The following MSRB3 variants were observed in gnomAD, a reference collection of about 807,000 sequenced individuals.
The protein encoded by MSRB3 is methionine-R-sulfoxide reductase B3.
MSRB3 carries 13 observed loss-of-function variants against 21.0 expected under a neutral mutation model. That is an observed-to-expected ratio of 0.62 (90% CI 0.40 to 0.98). The LOEUF (loss-of-function observed/expected upper bound fraction) is 0.98, where lower values mean the gene tolerates loss of function less well. Among genes scored for constraint, MSRB3 ranks in the 50% least tolerant of loss-of-function variants. The pLI is 0.00. For synonymous variants in MSRB3, 87 were observed against 88.6 expected (o/e 0.98, Z 0.10); for missense variants, 199 against 230.3 (o/e 0.86, Z 0.88).
chr12:65,322,794 C>T (rs895268490), intron 2 of MSRB3, among the ~76,000 whole-genome samples: 4 of 152,026 alleles, frequency 2.6e-5, no homozygotes, highest in African/African-American at 4.8e-5. Context: ...AACCTCTCCA[C>T]GCCTCAGTTT....
At chr12:65,332,364 C>G (rs1003445027) in intron 4 of MSRB3, among the ~76,000 whole-genome samples, 2 of 151,660 alleles carry the variant, frequency 1.3e-5, no homozygotes, top group Admixed American at 6.6e-5. Flanking sequence ...GGGTAGAAAA[C>G]TAGACAGAAC....
intron 4 of MSRB3, among the ~76,000 whole-genome samples, chr12:65,348,044 C>A (rs902840413): frequency 2.0e-5 from 3 of 152,032 alleles, no homozygotes; most frequent in African/African-American, 7.2e-5. Context: ...GTCTAAAATT[C>A]TCTTTTTTTG....
rs74099838 is a variant in MSRB3, at chr12:65,432,846, C to T, written c.293-20882C>T. On this transcript the variant is annotated intron_variant, in intron 5 of 6. Transcript: ENST00000308259. The stretch of plus-strand genomic sequence containing the variant: ...TTATGCAGTGGAAAAGGTCTTTCTC[C>T]AGACAAATATTGTACCTCTAATCCT... Among the ~76,000 whole-genome samples the T allele has an allele frequency of 6.6e-3, 1,006 of 152,026 alleles. 15 individuals carry two copies. Among genetic ancestry groups the T allele is most frequent in the African/African-American group, 0.023 (966 of 41,496 alleles).
At chr12:65,449,573 A>T (rs545767744) in intron 5 of MSRB3, among the ~76,000 whole-genome samples, 279 of 152,302 alleles carry the variant, frequency 1.8e-3, no homozygotes, top group Admixed American at 7.6e-3. Context: ...TATCATCATT[A>T]TTGACCCATC....
rs145779851 is a variant in MSRB3, at chr12:65,347,146, C to A, written c.263+18543C>A. On this transcript the variant is annotated intron_variant, in intron 4 of 6. Transcript: ENST00000308259. Reference sequence around the variant, plus strand: ...GAAAGTCATTGGTAGCTTTATGGGGCTGGCATTGAATCTATAAATTACCTT... The same window carrying A: ...GAAAGTCATTGGTAGCTTTATGGGGATGGCATTGAATCTATAAATTACCTT... Among the ~76,000 whole-genome samples the A allele has an allele frequency of 1.8e-3, 273 of 152,120 alleles. 1 individual carries two copies. The highest frequency in any genetic ancestry group is 5.6e-3 in the African/African-American group (234 of 41,532).
chr12:65,447,870 A>C (rs1361821542), intron 5 of MSRB3, among the ~76,000 whole-genome samples: 1 of 152,238 alleles, frequency 6.6e-6, no homozygotes, highest in Non-Finnish European at 1.5e-5. Context: ...TGTCATTAAA[A>C]ACTCAAAAAG....
intron 5 of MSRB3, among the ~76,000 whole-genome samples, chr12:65,404,853 A>C (rs530514067): frequency 6.6e-6 from 1 of 152,216 alleles, no homozygotes; most frequent in South Asian, 2.1e-4. Flanking sequence ...AGAGCTCTAG[A>C]ACTTGTTATT....
intron 1 of MSRB3, among the ~76,000 whole-genome samples, chr12:65,307,625 A>T: frequency 6.6e-6 from 1 of 152,190 alleles, no homozygotes; most frequent in African/African-American, 2.4e-5. Flanking sequence ...AATCTTTACC[A>T]ATTGAAATAT....
chr12:65,334,969 C>T (rs966272591), intron 4 of MSRB3, among the ~76,000 whole-genome samples: 3 of 152,196 alleles, frequency 2.0e-5, no homozygotes, highest in East Asian at 1.9e-4. Flanking sequence ...CCAACTGACA[C>T]GAACTATTGT....
chr12:65,428,839 T>C (rs1592629661), intron 5 of MSRB3, among the ~76,000 whole-genome samples: 1 of 152,182 alleles, frequency 6.6e-6, no homozygotes, highest in Non-Finnish European at 1.5e-5. Flanking sequence ...GTGCTGTTAT[T>C]GTTGTTTCGT....
At chr12:65,307,452 CT>C (rs1333818403) in intron 1 of MSRB3, among the ~76,000 whole-genome samples, 1 of 152,016 alleles carries the variant, frequency 6.6e-6, no homozygotes, top group Non-Finnish European at 1.5e-5. Context: ...CCGGAACAGA[CT>C]TTTTTTGGGG....
At chr12:65,416,141 A>G (rs1880960812) in intron 5 of MSRB3, among the ~76,000 whole-genome samples, 1 of 152,182 alleles carries the variant, frequency 6.6e-6, no homozygotes, top group Non-Finnish European at 1.5e-5. Flanking sequence ...GTCAACTTGG[A>G]TACATCTTAA....
At chr12:65,446,186 C>T (rs1882608955) in intron 5 of MSRB3, among the ~76,000 whole-genome samples, 1 of 152,134 alleles carries the variant, frequency 6.6e-6, no homozygotes, top group African/African-American at 2.4e-5. Flanking sequence ...CAGAAATTCT[C>T]AAACAATACA....
At chr12:65,376,681 G>T (rs1025168076) in intron 5 of MSRB3, among the ~76,000 whole-genome samples, 1 of 152,104 alleles carries the variant, frequency 6.6e-6, no homozygotes, top group Non-Finnish European at 1.5e-5. Context: ...GGCCCGTCAG[G>T]GGGTGGGGGG....
At chr12:65,404,076 C>G (rs1565876179) in intron 5 of MSRB3, among the ~76,000 whole-genome samples, 1 of 152,172 alleles carries the variant, frequency 6.6e-6, no homozygotes, top group Admixed American at 6.5e-5. Context: ...ACCTCTTTTT[C>G]TTTTTTAGAG....
At chr12:65,335,217 C>T (rs1357616412) in intron 4 of MSRB3, among the ~76,000 whole-genome samples, 1 of 152,112 alleles carries the variant, frequency 6.6e-6, no homozygotes, top group Admixed American at 6.5e-5. Flanking sequence ...GTGGCCTGTC[C>T]AAGTTTTGGG....
chr12:65,306,204 GTTTTA>G (rs1873644845), intron 1 of MSRB3, among the ~76,000 whole-genome samples: 1 of 152,098 alleles, frequency 6.6e-6, no homozygotes, highest in Non-Finnish European at 1.5e-5. Context: ...TTGTTAAAGT[GTTTTA>G]TTTTATTTAC....
At chr12:65,443,232 C>T (rs528153012) in intron 5 of MSRB3, among the ~76,000 whole-genome samples, 40 of 152,028 alleles carry the variant, frequency 2.6e-4, no homozygotes, top group Non-Finnish European at 5.3e-4. Context: ...AGAATAGATA[C>T]CAGATGTTCA....
chr12:65,314,221 A>T (rs566343373), intron 2 of MSRB3, among the ~76,000 whole-genome samples: 1 of 152,266 alleles, frequency 6.6e-6, no homozygotes, highest in East Asian at 1.9e-4. Context: ...TTTAACAGTC[A>T]TTTATAGTTT....
Sources: gnomAD v4.1 joint callset for allele counts (sites outside exome capture counted in the v4.1 genomes callset) on GRCh38, gnomAD v4.1.1 for gene constraint, MANE v1.5 for transcripts, NCBI Gene and HGNC (gene_info 2026-07-23, HGNC 2026-07-21) for gene names.